COLEC12: variants seen among roughly 807,000 people sequenced by gnomAD.
COLEC12 encodes collectin subfamily member 12, also known as collectin-12.
In COLEC12, 33 loss-of-function variants were observed where a neutral mutation model predicts 71.1. The observed-to-expected ratio is 0.46, with a 90% CI of 0.35 to 0.62. The LOEUF (loss-of-function observed/expected upper bound fraction) is 0.62, where lower values mean the gene tolerates loss of function less well. Ranked by LOEUF, COLEC12 falls within the 20% of genes least tolerant of loss-of-function variation. The pLI, the probability that COLEC12 is intolerant of heterozygous loss-of-function variation, is 0.00. For missense variants in COLEC12, 765 were observed against 916.1 expected (o/e 0.84, Z 2.13); for synonymous variants, 350 against 353.0 (o/e 0.99, Z 0.10).
intron 3 of COLEC12, among the ~76,000 whole-genome samples, chr18:349,568 C>T (rs977915169): frequency 1.6e-4 from 24 of 152,232 alleles, no homozygotes; most frequent in South Asian, 2.1e-4. Flanking sequence ...AGAGGGCCAC[C>T]GTCCTCCAGA....
rs1914067072 is a variant in COLEC12, at chr18:334,743, AT to A, written c.1814del (p.Asn605MetfsTer41). 6.8e-7 allele frequency: 1 copy of A among 1,467,196 alleles called. No individual in the cohort carries two copies. The highest frequency in any genetic ancestry group is 1.5e-5 in the African/African-American group (1 of 68,112). The allele number at this position is 1,467,196 out of a possible 1,614,324, so 90.9% of individuals were successfully genotyped here. On this transcript the variant is annotated frameshift_variant and splice_region_variant, in exon 6 of 10. Coordinates refer to ENST00000400256, the MANE Select transcript of COLEC12 (RefSeq NM_130386.3). LOFTEE classifies it high-confidence loss of function. Reference sequence around the variant, plus strand: ...GCTGGAGGGAGGGCTTGGACTTACCATTGTCCTCCGGTGCTGGGGTTGGCTC... The same window carrying A: ...GCTGGAGGGAGGGCTTGGACTTACCATGTCCTCCGGTGCTGGGGTTGGCTC... ...QNEPTPAPED[N>X]GCPPHWKNFT...
At chr18:450,919 T>A (rs2143713091) in intron 2 of COLEC12, among the ~76,000 whole-genome samples, 1 of 152,350 alleles carries the variant, frequency 6.6e-6, no homozygotes, top group South Asian at 2.1e-4. Flanking sequence ...AAGGCCACTT[T>A]TTCCATGCTT....
chr18:320,041 T>A lies in COLEC12; in HGVS notation c.*4A>T. The A allele has an allele frequency of 6.4e-7, 1 of 1,553,888 alleles. No individual in the cohort carries two copies. Among genetic ancestry groups the A allele is most frequent in the Non-Finnish European group, 8.8e-7 (1 of 1,136,800 alleles). On this transcript the variant is annotated 3_prime_UTR_variant, in exon 10 of 10. Coordinates refer to ENST00000400256, the MANE Select transcript of COLEC12 (RefSeq NM_130386.3). ...ATTTGCTCATGTGATCCCATCACAGTCCGTTATAATGCAGATGACAGTACT... is the reference window on the plus strand; with the variant it reads ...ATTTGCTCATGTGATCCCATCACAGACCGTTATAATGCAGATGACAGTACT...
At position 362,271 on chromosome 18, in the gene COLEC12, T is replaced by C. The variant is rs1217216450; in HGVS notation, c.59-4749A>G. 6.6e-6 allele frequency among the ~76,000 whole-genome samples: 1 copy of C among 152,202 alleles called. No homozygotes were observed. Among genetic ancestry groups the C allele is most frequent in the Non-Finnish European group, 1.5e-5 (1 of 68,036 alleles). On this transcript the variant is annotated intron_variant, in intron 2 of 9. Coordinates refer to ENST00000400256, the MANE Select transcript of COLEC12 (RefSeq NM_130386.3). This position sits in a 1 kb window ranked among gnomAD's most constrained non-coding sequence, Gnocchi z 4.6. ...CTATCAGCATTTAATCAATATCAGATGGCACTGCCTGGCCTCCCTTTCCAC... is the reference window on the plus strand; with the variant it reads ...CTATCAGCATTTAATCAATATCAGACGGCACTGCCTGGCCTCCCTTTCCAC...
chr18:486,132 G>A (rs934375101), intron 1 of COLEC12, among the ~76,000 whole-genome samples: 2 of 152,138 alleles, frequency 1.3e-5, no homozygotes, highest in African/African-American at 4.8e-5. Flanking sequence ...AATATACTTA[G>A]TACCTGCTGT....
In COLEC12 at chr18:352,194, A is replaced by G. The variant is rs576694494; in HGVS notation, c.182-4031T>C. 2.0e-5 allele frequency among the ~76,000 whole-genome samples: 3 copies of G among 152,328 alleles called. No homozygotes were observed. In the South Asian group the frequency reaches 6.2e-4, roughly 32 times the overall value. ...CCTAAATCCCTGGAAACTCTCAAGA[A>G]TAAAATGTTGCATATGTGTTTTTAG... On this transcript the variant is annotated intron_variant, in intron 3 of 9. Transcript: ENST00000400256.
At chr18:369,294 A>C (rs1458375054) in intron 2 of COLEC12, among the ~76,000 whole-genome samples, 1 of 152,192 alleles carries the variant, frequency 6.6e-6, no homozygotes, top group Non-Finnish European at 1.5e-5. Flanking sequence ...CTGTCCATAT[A>C]GACTAATTAC....
chr18:363,843 G>A (rs1192737643), intron 2 of COLEC12, among the ~76,000 whole-genome samples: 1 of 152,112 alleles, frequency 6.6e-6, no homozygotes. Context: ...GAGTAATTTA[G>A]TTCCCCAAAT....
chr18:388,119 CA>C (rs1244959952), intron 2 of COLEC12, among the ~76,000 whole-genome samples: 1 of 152,174 alleles, frequency 6.6e-6, no homozygotes, highest in East Asian at 1.9e-4. Flanking sequence ...AACTGTAAAA[CA>C]GCCCCAACTA....
At chr18:368,604 C>G (rs1008236771) in intron 2 of COLEC12, among the ~76,000 whole-genome samples, 3 of 143,762 alleles carry the variant, frequency 2.1e-5, no homozygotes, top group Non-Finnish European at 3.0e-5. Context: ...GTGGCTCAGG[C>G]CTGTAATCCC....
At chr18:405,185 C>A in intron 2 of COLEC12, among the ~76,000 whole-genome samples, 2 of 152,288 alleles carry the variant, frequency 1.3e-5, no homozygotes, top group East Asian at 1.9e-4. Context: ...TTTATCAAGA[C>A]AATACGTGCA....
chr18:431,342 T>C (rs72863570), intron 2 of COLEC12, among the ~76,000 whole-genome samples: 2,523 of 152,252 alleles, frequency 0.017, 31 homozygotes, highest in Non-Finnish European at 0.02. Context: ...ATGTGGGGTT[T>C]GGATCAGAGT....
At chr18:440,114 C>T (rs550046714) in intron 2 of COLEC12, among the ~76,000 whole-genome samples, 30 of 150,848 alleles carry the variant, frequency 2.0e-4, no homozygotes, top group Non-Finnish European at 3.7e-4. Flanking sequence ...ACAGAGAAGA[C>T]GAATATTGTA....
chr18:483,682 T>C (rs8099714), intron 1 of COLEC12, among the ~76,000 whole-genome samples: 14,789 of 152,252 alleles, frequency 0.097, 940 homozygotes, highest in African/African-American at 0.17. Context: ...ACACATCAAG[T>C]CCATGCTCTG....
At chr18:433,876 A>T (rs1008233487) in intron 2 of COLEC12, among the ~76,000 whole-genome samples, 5 of 151,238 alleles carry the variant, frequency 3.3e-5, no homozygotes, top group Non-Finnish European at 5.9e-5. Context: ...AGGCAAGAGG[A>T]TCGCTTGAGC....
chr18:375,463 T>C (rs11081063), intron 2 of COLEC12, among the ~76,000 whole-genome samples: 84,784 of 152,028 alleles, frequency 0.56, 24,221 homozygotes, highest in East Asian at 0.96. Context: ...TCCTCCCCCA[T>C]GCCTCCATCT....
At chr18:472,270 A>G (rs1035174790) in intron 2 of COLEC12, among the ~76,000 whole-genome samples, 2 of 152,218 alleles carry the variant, frequency 1.3e-5, no homozygotes, top group African/African-American at 4.8e-5. Context: ...CCACGATGAC[A>G]GGTCAGCTCT....
At chr18:348,204 C>T (rs1480529029) in intron 3 of COLEC12, 41 bp from the exon 4 acceptor site, 4 of 1,216,732 alleles carry the variant, frequency 3.3e-6, no homozygotes, top group Admixed American at 3.5e-5. Flanking sequence ...CATATCTGCT[C>T]ATATTTTATT....
intron 3 of COLEC12, among the ~76,000 whole-genome samples, chr18:355,042 T>A (rs943300874): frequency 1.4e-5 from 2 of 148,078 alleles, no homozygotes; most frequent in Non-Finnish European, 2.9e-5. Context: ...CATCAATCCA[T>A]CCATGCATCC....
Sources: gnomAD v4.1 joint callset for allele counts (sites outside exome capture counted in the v4.1 genomes callset) on GRCh38, gnomAD v4.1.1 for gene constraint, Gnocchi (gnomAD v3.1) non-coding constraint, MANE v1.5 for transcripts, NCBI Gene and HGNC (gene_info 2026-07-23, HGNC 2026-07-21) for gene names.